SH3BGRL2: variants seen among roughly 807,000 people sequenced by gnomAD.
SH3BGRL2 encodes the protein SH3 domain-binding glutamic acid-rich-like protein 2.
In SH3BGRL2, 21 loss-of-function variants were observed where a neutral mutation model predicts 14.8. That is an observed-to-expected ratio of 1.42 (90% confidence interval 1.01 to 2.05). The LOEUF is 2.05. Ranked by LOEUF, SH3BGRL2 falls within the 30% of genes most tolerant of loss-of-function variation. The pLI is 0.00. For synonymous variants in SH3BGRL2, 50 were observed against 47.8 expected (o/e 1.05, Z -0.19); for missense variants, 147 against 130.8 (o/e 1.12, Z -0.61).
chr6:79,559,891 T>C, the SH3BGRL2 span, among the ~76,000 whole-genome samples: 1 of 152,214 alleles, frequency 6.6e-6, no homozygotes, highest in Admixed American at 6.5e-5. Context: ...TAGGTGAATC[T>C]GAGTAATGGG....
At chr6:79,567,181 T>G in the SH3BGRL2 span, among the ~76,000 whole-genome samples, 1 of 152,208 alleles carries the variant, frequency 6.6e-6, no homozygotes, top group Non-Finnish European at 1.5e-5. Flanking sequence ...TAAAATTACT[T>G]ACCTCTTACT....
At chr6:79,698,969 C>T (rs1770387706) in intron 3 of SH3BGRL2, among the ~76,000 whole-genome samples, 1 of 152,094 alleles carries the variant, frequency 6.6e-6, no homozygotes, top group Admixed American at 6.5e-5. Context: ...AAGTAGGTAA[C>T]AACCGGTCAA....
At chr6:79,551,051 TAAAAG>T in the SH3BGRL2 span, among the ~76,000 whole-genome samples, 8 of 152,048 alleles carry the variant, frequency 5.3e-5, no homozygotes, top group South Asian at 4.2e-4. Context: ...GAAAGCTAAA[TAAAAG>T]AAAAGAAAAG....
the SH3BGRL2 span, among the ~76,000 whole-genome samples, chr6:79,597,359 TGGAAGGAAGGGA>T: frequency 8.5e-5 from 11 of 129,136 alleles, no homozygotes; most frequent in African/African-American, 3.2e-4. Context: ...AGAGGAAGGA[TGGAAGGAAGGGA>T]GGAAGGGAAG....
chr6:79,687,952 T>C (rs1770134775), intron 2 of SH3BGRL2, among the ~76,000 whole-genome samples: 1 of 152,194 alleles, frequency 6.6e-6, no homozygotes. Context: ...GTGGCTGCTG[T>C]GAGCTTTCCT....
intron 1 of SH3BGRL2, among the ~76,000 whole-genome samples, chr6:79,650,665 T>C (rs1168345928): frequency 6.6e-6 from 1 of 152,092 alleles, no homozygotes; most frequent in Non-Finnish European, 1.5e-5. Context: ...TGAGAACTCA[T>C]GCACTGTGGT....
chr6:79,671,736 G>C (rs771934575), intron 1 of SH3BGRL2, among the ~76,000 whole-genome samples: 9 of 152,184 alleles, frequency 5.9e-5, no homozygotes, highest in Non-Finnish European at 1.0e-4. Context: ...GCCCCGCCCA[G>C]TAGGCTGATG....
chr6:79,557,405 T>A, the SH3BGRL2 span, among the ~76,000 whole-genome samples: 1 of 151,882 alleles, frequency 6.6e-6, no homozygotes, highest in African/African-American at 2.4e-5. Context: ...ACAAGAAAAA[T>A]TAATTTGTGA....
chr6:79,666,963 G>A (rs1769672977), intron 1 of SH3BGRL2, among the ~76,000 whole-genome samples: 1 of 152,214 alleles, frequency 6.6e-6, no homozygotes, highest in African/African-American at 2.4e-5. Flanking sequence ...AAGCTAGTAT[G>A]TTTGAGTGAA....
In SH3BGRL2 at chr6:79,700,154, A is replaced by T. The variant is rs952973733; in HGVS notation, c.*645A>T. ...CCTGTTGTAACATCAAGTGATCAGA[A>T]CTAAGTTACTGGGATGACAATAATT... On this transcript the variant is annotated 3_prime_UTR_variant, in exon 4 of 4. Coordinates refer to ENST00000369838, the MANE Select transcript of SH3BGRL2 (RefSeq NM_031469.4). 1.3e-5 allele frequency: 2 copies of T among 152,226 alleles called. No individual in the cohort carries two copies. Among genetic ancestry groups the T allele is most frequent in the Non-Finnish European group, 2.9e-5 (2 of 68,048 alleles). 9.4% of individuals were successfully genotyped at this position (152,226 alleles called of 1,614,324 possible). A position where few individuals can be genotyped will look rare whatever the true frequency, so the allele number is the denominator to read the frequency against.
At chr6:79,577,764 G>A in the SH3BGRL2 span, among the ~76,000 whole-genome samples, 11 of 152,186 alleles carry the variant, frequency 7.2e-5, no homozygotes, top group African/African-American at 2.4e-4. Context: ...ATCTCACTGG[G>A]ACTGGTTGGA....
chr6:79,597,002 G>C, the SH3BGRL2 span, among the ~76,000 whole-genome samples: 3 of 152,134 alleles, frequency 2.0e-5, no homozygotes, highest in Admixed American at 1.3e-4. Context: ...GGCCGAGGCG[G>C]GTGGATCCAG....
the SH3BGRL2 span, among the ~76,000 whole-genome samples, chr6:79,586,233 T>TTG: frequency 4.2e-5 from 5 of 117,776 alleles, no homozygotes; most frequent in East Asian, 2.5e-4. Context: ...ATGTATGGAC[T>TTG]TCTTTTTTTT....
In SH3BGRL2 at chr6:79,702,424, A is replaced by C. The variant is rs867987444; in HGVS notation, c.*2915A>C. On this transcript the variant is annotated 3_prime_UTR_variant, in exon 4 of 4. Coordinates refer to ENST00000369838, the MANE Select transcript of SH3BGRL2 (RefSeq NM_031469.4). ...ATATAATTATTGTTTTCAGATTTCAACTTGTATGTGTTTGTCTCTTAAAGC... is the reference window on the plus strand; with the variant it reads ...ATATAATTATTGTTTTCAGATTTCACCTTGTATGTGTTTGTCTCTTAAAGC... 1.3e-5 allele frequency: 2 copies of C among 152,698 alleles called. No homozygotes were observed. Among genetic ancestry groups the C allele is most frequent in the South Asian group, 4.1e-4 (2 of 4,832 alleles). 9.5% of individuals were successfully genotyped at this position (152,698 alleles called of 1,614,324 possible).
At chr6:79,595,070 G>A in the SH3BGRL2 span, among the ~76,000 whole-genome samples, 1 of 152,196 alleles carries the variant, frequency 6.6e-6, no homozygotes, top group Non-Finnish European at 1.5e-5. Context: ...TAGATCACCT[G>A]AGATCAGGAG....
chr6:79,548,393 G>C, the SH3BGRL2 span, among the ~76,000 whole-genome samples: 1 of 151,822 alleles, frequency 6.6e-6, no homozygotes, highest in African/African-American at 2.4e-5. Context: ...ATTAAACATC[G>C]ACTGATCTTT....
At chr6:79,681,150 A>G (rs1309021171) in intron 2 of SH3BGRL2, among the ~76,000 whole-genome samples, 1 of 152,172 alleles carries the variant, frequency 6.6e-6, no homozygotes, top group African/African-American at 2.4e-5. Flanking sequence ...CTGGGGAGAA[A>G]AACCAAGTGG....
At chr6:79,607,049 T>C in the SH3BGRL2 span, among the ~76,000 whole-genome samples, 1 of 152,180 alleles carries the variant, frequency 6.6e-6, no homozygotes, top group Non-Finnish European at 1.5e-5. Flanking sequence ...CAGAACCCCA[T>C]TTGCCTTTTC....
the SH3BGRL2 span, among the ~76,000 whole-genome samples, chr6:79,548,709 A>T: frequency 2.0e-5 from 3 of 152,228 alleles, no homozygotes; most frequent in African/African-American, 7.2e-5. Context: ...TTTTAAATAT[A>T]AATAAATGAA....
Sources: gnomAD v4.1 joint callset for allele counts (sites outside exome capture counted in the v4.1 genomes callset) on GRCh38, gnomAD v4.1.1 for gene constraint, MANE v1.5 for transcripts, NCBI Gene and HGNC (gene_info 2026-07-23, HGNC 2026-07-21) for gene names.